The following ARHGEF16 variants were observed in gnomAD, a reference collection of about 807,000 sequenced individuals.
The protein encoded by ARHGEF16 is Rho guanine exchange factor (GEF) 16.
In ARHGEF16, 59 loss-of-function variants were observed where a neutral mutation model predicts 74.1. That is an observed-to-expected ratio of 0.80 (90% confidence interval 0.65 to 0.99). The LOEUF is 0.99. Among genes scored for constraint, ARHGEF16 ranks in the 50% least tolerant of loss-of-function variants. The pLI is 0.00. For missense variants in ARHGEF16, 948 were observed against 986.6 expected (o/e 0.96, Z 0.52); for synonymous variants, 415 against 412.6 (o/e 1.01, Z -0.07).
At chr1:3,459,909 G>C (rs374357423) in intron 1 of ARHGEF16, among the ~76,000 whole-genome samples, 1 of 152,204 alleles carries the variant, frequency 6.6e-6, no homozygotes, top group Non-Finnish European at 1.5e-5. Context: ...AGAGCAGGCT[G>C]TGCCTTTTTC....
At chr1:3,468,771 G>C in intron 4 of ARHGEF16, 109 bp from the exon 5 acceptor site, 1 of 1,283,080 alleles carries the variant, frequency 7.8e-7, no homozygotes, top group Non-Finnish European at 1.1e-6. Context: ...AGCCCTGTGG[G>C]GTGGCTGTCC....
At chr1:3,479,945 G>A in intron 14 of ARHGEF16, 32 bp downstream of exon 14, 3 of 1,604,694 alleles carry the variant, frequency 1.9e-6, no homozygotes, top group Middle Eastern at 1.7e-4. Context: ...ACAGATGGGT[G>A]GGAACGGACA....
intron 1 of ARHGEF16, among the ~76,000 whole-genome samples, chr1:3,457,453 C>T (rs60194754): frequency 0.084 from 12,814 of 152,244 alleles, 1,733 homozygotes; most frequent in African/African-American, 0.29. Flanking sequence ...TCCTGGTGGC[C>T]GTGACAGCAG....
At position 3,462,711 on chromosome 1, in the gene ARHGEF16, T is replaced by C. The variant is rs79628493; in HGVS notation, c.-19-355T>C. Among the ~76,000 whole-genome samples the C allele has an allele frequency of 1.4e-4, 21 of 152,196 alleles. No homozygotes were observed. In the East Asian group the frequency reaches 2.9e-3, roughly 21 times the overall value. On this transcript the variant is annotated intron_variant, in intron 1 of 14. Transcript: ENST00000378378. ...CCCCACCTGCCTCCAGGCTCAGGAA[T>C]GTGTCCTCAGTGCGTGCTGCCCATC...
At chr1:3,473,254 G>T (rs773959020) in intron 7 of ARHGEF16, 24 bp downstream of exon 7, 66 of 1,609,282 alleles carry the variant, frequency 4.1e-5, no homozygotes, top group African/African-American at 6.7e-5. Context: ...CCCGAGGCCC[G>T]CAGGGTGGCT....
In ARHGEF16 at chr1:3,459,362, C is replaced by T. The variant is rs1051360850; in HGVS notation, c.-19-3704C>T. 4.6e-5 allele frequency among the ~76,000 whole-genome samples: 7 copies of T among 152,336 alleles called. No homozygotes were observed. The South Asian group carries it at 1.0e-3, about 23-fold the overall frequency. ...AGCAACTCTGACAACAAGGGAAGGG[C>T]GCTGCCCGACTCTGGGAGAAAACCA... On this transcript the variant is annotated intron_variant, in intron 1 of 14. Coordinates refer to ENST00000378378, the MANE Select transcript of ARHGEF16 (RefSeq NM_014448.4).
At position 3,479,535 on chromosome 1, in the gene ARHGEF16, G is replaced by A; in HGVS notation, c.1833G>A (p.Trp611Ter). Residue 611 changes from tryptophan (W) to a stop codon, truncating the protein, a stop_gained, in exon 13 of 15, where the codon TGG becomes TGA. Transcript: ENST00000378378. LOFTEE classifies it high-confidence loss of function. ...SSDSASDRAR[W>*]IVALTHSERQ... ...TCCCCAGGAGTGACCGGGCACGGTG[G>A]ATCGTGGCGCTCACACACAGTGAGA... The A allele has an allele frequency of 6.2e-7, 1 of 1,612,674 alleles. No homozygotes were observed. The highest frequency in any genetic ancestry group is 1.6e-4 in the Middle Eastern group (1 of 6,062).
intron 6 of ARHGEF16, chr1:3,472,871 C>A (rs992621524): frequency 2.1e-5 from 7 of 338,410 alleles, no homozygotes; most frequent in African/African-American, 1.3e-4. Flanking sequence ...GGCCTCTGAC[C>A]ACTTCCCACC....
Position 3,466,187 on chromosome 1 carries a change from A to G in ARHGEF16, c.628A>G (p.Lys210Glu). 6.5e-7 allele frequency: 1 copy of G among 1,543,636 alleles called. No homozygotes were observed. Among genetic ancestry groups the G allele is most frequent in the Non-Finnish European group, 8.7e-7 (1 of 1,143,980 alleles). Reference sequence around the variant, plus strand: ...GAAACGTGGGCACAAGGGTTCCTTCAAGGACGGTGAGTGTGGCTTCGGGAG... The same window carrying G: ...GAAACGTGGGCACAAGGGTTCCTTCGAGGACGGTGAGTGTGGCTTCGGGAG... ...GRKRGHKGSF[K>E]DDPQLYQEIQ... The change falls in exon 3 of 15, where the codon AAG (lysine) becomes GAG (glutamate). Residue 210 changes from lysine to glutamate, a missense_variant. By Grantham distance (56) the Lys-to-Glu change is moderately conservative (BLOSUM62 1). Coordinates refer to ENST00000378378, the MANE Select transcript of ARHGEF16 (RefSeq NM_014448.4).
chr1:3,462,959 G>A, intron 1 of ARHGEF16, 107 bp from the exon 2 acceptor site: 1 of 732,172 alleles, frequency 1.4e-6, no homozygotes, highest in Non-Finnish European at 2.1e-6. Flanking sequence ...TGTCCTGGGA[G>A]CTGTACTGGA....
At chr1:3,470,350 GT>G (rs934674760) in intron 6 of ARHGEF16, among the ~76,000 whole-genome samples, 14 of 151,884 alleles carry the variant, frequency 9.2e-5, no homozygotes, top group African/African-American at 2.9e-4. Context: ...AGGGTTGTGT[GT>G]GCGTGGGCAG....
intron 2 of ARHGEF16, chr1:3,465,906 G>A (rs77974735): frequency 2.6e-4 from 135 of 529,296 alleles, no homozygotes; most frequent in African/African-American, 2.4e-3. Context: ...GTCCCCTCAC[G>A]ATGAGTTCAA....
In ARHGEF16 at chr1:3,478,612, C is replaced by G; in HGVS notation, c.1814C>G (p.Ala605Gly). ...QEQLLLSSDS[A>G]SDRARWIVAL... ...CAGCTCCTGCTCTCCTCGGACTCCG[C>G]GTAAGTGGGCTCCCGGGAGGGCTGT... Residue 605 changes from alanine (A) to glycine (G), a missense_variant and splice_region_variant, in exon 12 of 15, where the codon GCG (alanine) becomes GGG (glycine). Physicochemically the swap from Ala to Gly is moderately conservative, Grantham distance 60 (BLOSUM62 0). Coordinates refer to ENST00000378378, the MANE Select transcript of ARHGEF16 (RefSeq NM_014448.4). 6.2e-7 allele frequency: 1 copy of G among 1,602,528 alleles called. No individual in the cohort carries two copies. Among genetic ancestry groups the G allele is most frequent in the Non-Finnish European group, 8.5e-7 (1 of 1,173,266 alleles).
At chr1:3,474,513 C>T (rs1006086636) in intron 8 of ARHGEF16, 195 bp from the exon 9 acceptor site, 2 of 584,432 alleles carry the variant, frequency 3.4e-6, no homozygotes, top group Non-Finnish European at 3.1e-6. Flanking sequence ...TCCCACTCAA[C>T]CTGGCCTGAC....
intron 1 of ARHGEF16, among the ~76,000 whole-genome samples, chr1:3,461,235 T>C (rs192971730): frequency 6.6e-6 from 1 of 152,342 alleles, no homozygotes; most frequent in African/African-American, 2.4e-5. Flanking sequence ...CGTTACCTTT[T>C]GAACCTACGA....
At chr1:3,456,603 C>T (rs1036680523) in intron 1 of ARHGEF16, among the ~76,000 whole-genome samples, 3 of 152,220 alleles carry the variant, frequency 2.0e-5, no homozygotes, top group Non-Finnish European at 2.9e-5. Context: ...CTTACCTGCC[C>T]GGGAAAATAC....
chr1:3,478,568 C>T lies in ARHGEF16; in HGVS notation c.1770C>T (p.Asn590=), dbSNP rs2100761612. The T allele has an allele frequency of 8.1e-6, 13 of 1,612,452 alleles. No homozygotes were observed. Among genetic ancestry groups the T allele is most frequent in the East Asian group, 6.7e-5 (3 of 44,864 alleles). Residue 590 remains asparagine (N), a synonymous_variant, in exon 12 of 15, where the codon AAC becomes AAT. Coordinates refer to ENST00000378378, the MANE Select transcript of ARHGEF16 (RefSeq NM_014448.4). ...CCTTCCAGGTGACCCTGCTTCGCAACAGCGAGGGCCGCCAGGAGCAGCTCC... is the reference window on the plus strand; with the variant it reads ...CCTTCCAGGTGACCCTGCTTCGCAATAGCGAGGGCCGCCAGGAGCAGCTCC... ...PHPFQVTLLR[N]SEGRQEQLLL... is the part of the protein sequence containing the mutation.
Position 3,471,783 on chromosome 1 carries a change from C to A in ARHGEF16, c.1023-1295C>A, listed in dbSNP as rs1032916515. On this transcript the variant is annotated intron_variant, in intron 6 of 14. Transcript: ENST00000378378. Reference sequence around the variant, plus strand: ...CAGTGAACTGTCTGGGGAATCATCGCTATTTGGGGTAAGCGGCTGGTGGGC... The same window carrying A: ...CAGTGAACTGTCTGGGGAATCATCGATATTTGGGGTAAGCGGCTGGTGGGC... The A allele has an allele frequency of 9.0e-6, 10 of 1,110,220 alleles. No individual in the cohort carries two copies. The African/African-American group carries it at 1.0e-4, about 11-fold the overall frequency. 68.8% of individuals were successfully genotyped at this position (1,110,220 alleles called of 1,614,324 possible).
chr1:3,478,005 T>C lies in ARHGEF16; in HGVS notation c.1604T>C (p.Leu535Pro). The C allele has an allele frequency of 6.2e-7, 1 of 1,612,704 alleles. No homozygotes were observed. The highest frequency in any genetic ancestry group is 8.5e-7 in the Non-Finnish European group (1 of 1,179,896). The change falls in exon 11 of 15, where the codon CTG (leucine) becomes CCG (proline). Residue 535 changes from leucine to proline, a missense_variant. By Grantham distance (98) the Leu-to-Pro change is moderately conservative. Coordinates refer to ENST00000378378, the MANE Select transcript of ARHGEF16 (RefSeq NM_014448.4). ...TACCTTTTCCTGTTCAACGATGTCC[T>C]GGTTGTGACCAAGAAGAAGAGGTGG... ...TCYLFLFNDV[L>P]VVTKKKSEES...
Sources: allele counts gnomAD v4.1 joint callset (sites outside exome capture counted in the v4.1 genomes callset), GRCh38; gene constraint gnomAD v4.1.1; transcripts MANE v1.5; gene names NCBI Gene and HGNC (gene_info 2026-07-23, HGNC 2026-07-21).